The following UHRF2 variants were observed in gnomAD, a reference collection of about 807,000 sequenced individuals.
UHRF2 encodes E3 ubiquitin-protein ligase UHRF2.
Under a neutral mutation model 96.8 loss-of-function variants are expected in UHRF2, and 23 were observed. That is an observed-to-expected ratio of 0.24 (90% CI 0.17 to 0.34). UHRF2 has a LOEUF of 0.34. Ranked by LOEUF, UHRF2 falls within the 10% of genes least tolerant of loss-of-function variation. The pLI, the probability that UHRF2 is intolerant of heterozygous loss-of-function variation, is 1.00. For synonymous variants in UHRF2, 385 were observed against 332.6 expected, an observed-to-expected ratio of 1.16 and a Z score of -1.72; for missense variants, 685 against 981.5, an observed-to-expected ratio of 0.70 and a Z score of 4.04.
intron 3 of UHRF2, among the ~76,000 whole-genome samples, chr9:6,440,822 T>G (rs558299145): frequency 6.6e-6 from 1 of 152,342 alleles, no homozygotes; most frequent in African/African-American, 2.4e-5. Context: ...GTTTTCAAAA[T>G]AATCGGTGCA....
chr9:6,470,216 GA>G (rs1305349806), intron 4 of UHRF2, among the ~76,000 whole-genome samples: 1 of 152,022 alleles, frequency 6.6e-6, no homozygotes, highest in Non-Finnish European at 1.5e-5. Context: ...CTACTAAAAG[GA>G]AAAAATTTAG....
At chr9:6,470,230 A>G (rs1227170103) in intron 4 of UHRF2, among the ~76,000 whole-genome samples, 1 of 152,058 alleles carries the variant, frequency 6.6e-6, no homozygotes, top group Non-Finnish European at 1.5e-5. Flanking sequence ...AAATTTAGCC[A>G]TACGTGGTAG....
At chr9:6,439,727 A>T (rs1307696916) in intron 3 of UHRF2, among the ~76,000 whole-genome samples, 1 of 152,218 alleles carries the variant, frequency 6.6e-6, no homozygotes, top group Non-Finnish European at 1.5e-5. Flanking sequence ...TTAGATTTCA[A>T]GGAATTCTTA....
chr9:6,496,087 A>G (rs1218795514), intron 10 of UHRF2: 2 of 152,132 alleles, frequency 1.3e-5, no homozygotes, highest in South Asian at 2.1e-4. Flanking sequence ...AAGTTTATTT[A>G]CTCACTAAAA....
At chr9:6,492,777 C>T (rs1824737026) in intron 9 of UHRF2, 1 of 139,582 alleles carries the variant, frequency 7.2e-6, no homozygotes, top group South Asian at 2.5e-4. Flanking sequence ...CAGATAGAGA[C>T]AATAATATCC....
At chr9:6,422,713 G>A in intron 2 of UHRF2, 1 of 533,910 alleles carries the variant, frequency 1.9e-6, no homozygotes, top group Non-Finnish European at 3.5e-6. Context: ...GGGGTCAAGT[G>A]ATCTTCCTGC....
In UHRF2 at chr9:6,503,787, A is replaced by G. The variant is rs571437892; in HGVS notation, c.2164-806A>G. 9.0e-4 allele frequency among the ~76,000 whole-genome samples: 137 copies of G among 152,222 alleles called. 1 individual carries two copies. The highest frequency in any genetic ancestry group is 3.4e-3 in the Middle Eastern group (1 of 294). ...AGGCAGTCAGTATGTAATGACCTTG[A>G]GACACGTTGCCCATGATTTTTTTAT... On this transcript the variant is annotated intron_variant, in intron 14 of 15. Transcript: ENST00000276893.
At chr9:6,454,017 A>G (rs1424725858) in intron 3 of UHRF2, among the ~76,000 whole-genome samples, 2 of 143,288 alleles carry the variant, frequency 1.4e-5, no homozygotes, top group African/African-American at 5.3e-5. Flanking sequence ...AAAAATACTA[A>G]TTGACATTTA....
chr9:6,479,789 TC>T (rs750347385), intron 6 of UHRF2, among the ~76,000 whole-genome samples: 11 of 152,198 alleles, frequency 7.2e-5, no homozygotes, highest in Non-Finnish European at 1.6e-4. Context: ...TCCCAATTCT[TC>T]TTTTGTTCTT....
In UHRF2 at chr9:6,450,332, T is replaced by G. The variant is rs946414727; in HGVS notation, c.645-10241T>G. Among the ~76,000 whole-genome samples, 3 of 119,652 alleles carry G rather than the reference T, an allele frequency of 2.5e-5. No individual in the cohort carries two copies. In the Admixed American group the frequency reaches 3.2e-4, roughly 13 times the overall value. 78.5% of individuals were successfully genotyped at this position (119,652 alleles called of 152,430 possible). A position where few individuals can be genotyped will look rare whatever the true frequency, so the allele number is the denominator to read the frequency against. ...CCCCCCCCCATTTATTTAAATAAAC[T>G]GTGTCATTTGTCTTGTACAATTTTC... is the stretch of plus-strand genomic sequence containing the variant. On this transcript the variant is annotated intron_variant, in intron 3 of 15. Transcript: ENST00000276893.
At chr9:6,418,746 A>G (rs1371353092) in intron 1 of UHRF2, among the ~76,000 whole-genome samples, 4 of 152,204 alleles carry the variant, frequency 2.6e-5, no homozygotes, top group East Asian at 3.8e-4. Flanking sequence ...GAAATTGCCA[A>G]CTGAACTTTA....
At chr9:6,468,694 G>A (rs1361020792) in intron 4 of UHRF2, 1 of 455,924 alleles carries the variant, frequency 2.2e-6, no homozygotes, top group African/African-American at 2.0e-5. Flanking sequence ...TGGACAAGAG[G>A]CTGGAAATGT....
At chr9:6,484,477 A>G (rs972951711) in intron 8 of UHRF2, 1 of 125,842 alleles carries the variant, frequency 7.9e-6, no homozygotes, top group Non-Finnish European at 1.6e-5. Context: ...ATGCAGTGCC[A>G]TAATCACAGT....
At chr9:6,474,545 A>C (rs1823446978) in intron 4 of UHRF2, among the ~76,000 whole-genome samples, 1 of 152,116 alleles carries the variant, frequency 6.6e-6, no homozygotes. Context: ...GTCTCTACTA[A>C]AAATACAAAA....
intron 3 of UHRF2, among the ~76,000 whole-genome samples, chr9:6,442,247 A>ATTACAGGTGGGATTACAGATTACT (rs1821212020): frequency 6.6e-6 from 1 of 152,164 alleles, no homozygotes; most frequent in African/African-American, 2.4e-5. Context: ...TACAGGTGTG[A>ATTACAGGTGGGATTACAGATTACT]GCCACCACCT....
chr9:6,423,572 C>G, intron 2 of UHRF2, among the ~76,000 whole-genome samples: 1 of 150,682 alleles, frequency 6.6e-6, no homozygotes, highest in East Asian at 1.9e-4. Context: ...ACTAATAAGC[C>G]AAAGAAAACA....
chr9:6,431,816 G>A (rs866572824), intron 2 of UHRF2, among the ~76,000 whole-genome samples: 6 of 152,218 alleles, frequency 3.9e-5, no homozygotes, highest in Middle Eastern at 3.4e-3. Context: ...CATTTGTGCC[G>A]CCTCGTGTTC....
intron 6 of UHRF2, among the ~76,000 whole-genome samples, chr9:6,478,893 T>C (rs1244906653): frequency 6.6e-6 from 1 of 152,242 alleles, no homozygotes; most frequent in Non-Finnish European, 1.5e-5. Flanking sequence ...TTACCATCGC[T>C]AATAACTATT....
At position 6,422,651 on chromosome 9, in the gene UHRF2, C is replaced by G. The variant is rs964649587; in HGVS notation, c.384+1509C>G. The G allele has an allele frequency of 4.6e-6, 3 of 648,262 alleles. No individual in the cohort carries two copies. In the African/African-American group the frequency reaches 5.5e-5, roughly 12 times the overall value. 40.2% of individuals were successfully genotyped at this position (648,262 alleles called of 1,614,324 possible). A position where few individuals can be genotyped will look rare whatever the true frequency, so the allele number is the denominator to read the frequency against. On this transcript the variant is annotated intron_variant, in intron 2 of 15. Coordinates refer to ENST00000276893, the MANE Select transcript of UHRF2 (RefSeq NM_152896.3). ...TTGAGACAGGGTCTGGCTCTGTCACCCAGGCTGTAGTGCAGTGACGTGAAC... is the reference window on the plus strand; with the variant it reads ...TTGAGACAGGGTCTGGCTCTGTCACGCAGGCTGTAGTGCAGTGACGTGAAC...
Sources: gnomAD v4.1 joint callset for allele counts (sites outside exome capture counted in the v4.1 genomes callset) on GRCh38, gnomAD v4.1.1 for gene constraint, MANE v1.5 for transcripts, NCBI Gene and HGNC (gene_info 2026-07-23, HGNC 2026-07-21) for gene names.